Variants in SLC24A2 observed in about 807,000 individuals in gnomAD.
The protein encoded by SLC24A2 is solute carrier family 24 member 2, also known as sodium/potassium/calcium exchanger 2.
SLC24A2 carries 36 observed loss-of-function variants against 62.0 expected under a neutral mutation model. The ratio of observed to expected loss-of-function variants is 0.58; its 90% CI spans 0.44 to 0.77. The LOEUF is 0.77. Among genes scored for constraint, SLC24A2 ranks in the 30% least tolerant of loss-of-function variants. The pLI, the probability that SLC24A2 is intolerant of heterozygous loss-of-function variation, is 0.00. For missense variants in SLC24A2, 846 were observed against 817.9 expected, an observed-to-expected ratio of 1.03 and a Z score of -0.42; for synonymous variants, 358 against 294.0, an observed-to-expected ratio of 1.22 and a Z score of -2.23.
chr9:19,525,721 G>C (rs1833416892), intron 9 of SLC24A2, among the ~76,000 whole-genome samples: 1 of 144,004 alleles, frequency 6.9e-6, no homozygotes, highest in Non-Finnish European at 1.5e-5. Context: ...TTTTACAAAT[G>C]TATGCAGCCA....
chr9:19,541,898 T>C (rs936234284), intron 8 of SLC24A2, among the ~76,000 whole-genome samples: 1 of 152,138 alleles, frequency 6.6e-6, no homozygotes. Flanking sequence ...GTGTGGGATA[T>C]AGTCTCCTGG....
chr9:19,832,381 C>G, the SLC24A2 span, among the ~76,000 whole-genome samples: 3 of 152,188 alleles, frequency 2.0e-5, no homozygotes, highest in Non-Finnish European at 4.4e-5. Context: ...AGATATGAGT[C>G]ATTTAAACAA....
At chr9:20,086,647 G>A in the SLC24A2 span, among the ~76,000 whole-genome samples, 1 of 152,108 alleles carries the variant, frequency 6.6e-6, no homozygotes, top group Non-Finnish European at 1.5e-5. Context: ...TCTTGTCTCA[G>A]CCTCATGTAT....
the SLC24A2 span, among the ~76,000 whole-genome samples, chr9:19,798,042 A>G: frequency 6.6e-6 from 1 of 152,080 alleles, no homozygotes; most frequent in African/African-American, 2.4e-5. Flanking sequence ...TGTATGGGCG[A>G]GTTCTTTCCT....
At chr9:20,060,614 C>G in the SLC24A2 span, among the ~76,000 whole-genome samples, 1 of 152,042 alleles carries the variant, frequency 6.6e-6, no homozygotes, top group Admixed American at 6.6e-5. Context: ...TGATGAAAAT[C>G]TCTCAACAAA....
At chr9:20,099,040 C>T in the SLC24A2 span, among the ~76,000 whole-genome samples, 1 of 152,278 alleles carries the variant, frequency 6.6e-6, no homozygotes, top group South Asian at 2.1e-4. Flanking sequence ...TTGCTGCCTC[C>T]ACTGCCAACA....
At chr9:20,168,707 A>T in the SLC24A2 span, among the ~76,000 whole-genome samples, 1 of 152,036 alleles carries the variant, frequency 6.6e-6, no homozygotes, top group South Asian at 2.1e-4. Context: ...TAAAATAACA[A>T]GTGCTGGCAA....
the SLC24A2 span, among the ~76,000 whole-genome samples, chr9:20,038,649 G>T: frequency 6.8e-6 from 1 of 147,266 alleles, no homozygotes; most frequent in African/African-American, 2.5e-5. Context: ...AAAAAAAAAG[G>T]CTTTTCTTGC....
chr9:19,755,543 G>A (rs1822114418), intron 2 of SLC24A2, among the ~76,000 whole-genome samples: 1 of 152,184 alleles, frequency 6.6e-6, no homozygotes, highest in Non-Finnish European at 1.5e-5. Context: ...GTGGAAGTAT[G>A]ACAAAGAGGG....
intron 5 of SLC24A2, among the ~76,000 whole-genome samples, chr9:19,585,806 T>G (rs1258976300): frequency 6.6e-6 from 1 of 152,242 alleles, no homozygotes; most frequent in Non-Finnish European, 1.5e-5. Flanking sequence ...AATCCAATGC[T>G]GTCTTTTCAT....
intron 7 of SLC24A2, 115 bp downstream of exon 7, chr9:19,573,236 T>C: frequency 9.4e-6 from 7 of 745,124 alleles, no homozygotes; most frequent in Non-Finnish European, 1.7e-5. Context: ...AGGCCCTACC[T>C]GATTCCTGCC....
At chr9:19,742,005 C>G (rs1821695081) in intron 2 of SLC24A2, among the ~76,000 whole-genome samples, 1 of 152,162 alleles carries the variant, frequency 6.6e-6, no homozygotes, top group South Asian at 2.1e-4. Flanking sequence ...CAAAGTATAT[C>G]TGAGCATAAG....
chr9:19,593,115 C>T (rs1182085180), intron 5 of SLC24A2, among the ~76,000 whole-genome samples: 1 of 152,226 alleles, frequency 6.6e-6, no homozygotes, highest in South Asian at 2.1e-4. Context: ...GGAGACATCG[C>T]CTGCCAGGCA....
the SLC24A2 span, among the ~76,000 whole-genome samples, chr9:20,107,726 T>A: frequency 2.0e-5 from 3 of 152,048 alleles, no homozygotes; most frequent in African/African-American, 7.2e-5. Context: ...ATGTTAGACC[T>A]AAAACCATAA....
chr9:19,814,791 G>C, the SLC24A2 span, among the ~76,000 whole-genome samples: 2 of 152,130 alleles, frequency 1.3e-5, no homozygotes, highest in African/African-American at 4.8e-5. Flanking sequence ...TTTAGCAGCA[G>C]GTTCCTGTCT....
chr9:19,989,816 C>T, the SLC24A2 span, among the ~76,000 whole-genome samples: 4 of 152,152 alleles, frequency 2.6e-5, no homozygotes, highest in East Asian at 1.9e-4. Context: ...GGCTTTGTAA[C>T]GATAAGTTCT....
intron 5 of SLC24A2, among the ~76,000 whole-genome samples, chr9:19,595,297 T>C (rs990972704): frequency 3.3e-5 from 5 of 152,220 alleles, no homozygotes; most frequent in Non-Finnish European, 7.3e-5. Flanking sequence ...TTTTTCCTTG[T>C]TGTTGAAAAA....
the SLC24A2 span, among the ~76,000 whole-genome samples, chr9:19,983,628 T>C: frequency 1.3e-5 from 2 of 152,086 alleles, no homozygotes; most frequent in Non-Finnish European, 1.5e-5. Context: ...TGGCAACAGA[T>C]TGAGACTCCA....
the SLC24A2 span, among the ~76,000 whole-genome samples, chr9:20,121,540 G>A: frequency 1.3e-5 from 2 of 152,062 alleles, no homozygotes; most frequent in Non-Finnish European, 2.9e-5. Context: ...CCTACTATAT[G>A]CAAAGCTGTA....
Sources: allele counts gnomAD v4.1 joint callset (sites outside exome capture counted in the v4.1 genomes callset), GRCh38; gene constraint gnomAD v4.1.1; transcripts MANE v1.5; gene names NCBI Gene and HGNC (gene_info 2026-07-23, HGNC 2026-07-21).